CHD7: variants seen among roughly 807,000 people sequenced by gnomAD.
CHD7 encodes ATP-dependent chromatin remodeler CHD7.
In CHD7, 24 loss-of-function variants were observed where a neutral mutation model predicts 307.3. That is an observed-to-expected ratio of 0.08 (90% CI 0.06 to 0.11). The LOEUF (loss-of-function observed/expected upper bound fraction) is 0.11, where lower values mean the gene tolerates loss of function less well. CHD7 is among the 10% of genes least tolerant of loss of function. The pLI is 1.00. For missense variants in CHD7, 3,106 were observed against 3,727.1 expected (o/e 0.83, Z 4.34); for synonymous variants, 1,363 against 1,349.9 (o/e 1.01, Z -0.21).
At chr8:60,739,577 CAGTT>C (rs1808886806) in intron 1 of CHD7, among the ~76,000 whole-genome samples, 1 of 152,170 alleles carries the variant, frequency 6.6e-6, no homozygotes, top group African/African-American at 2.4e-5. Context: ...AAATTCATGG[CAGTT>C]AGCGGCAGAG....
intron 8 of CHD7, among the ~76,000 whole-genome samples, chr8:60,819,348 T>G (rs1803911580): frequency 6.6e-6 from 1 of 152,238 alleles, no homozygotes; most frequent in African/African-American, 2.4e-5. Flanking sequence ...TTTAATATAT[T>G]GGTTAAATGA....
At chr8:60,815,247 A>G (rs1803673162) in intron 7 of CHD7, among the ~76,000 whole-genome samples, 2 of 152,210 alleles carry the variant, frequency 1.3e-5, no homozygotes, top group Non-Finnish European at 2.9e-5. Flanking sequence ...TTCCTATATC[A>G]TGAATCATTT....
At chr8:60,753,258 T>A (rs1394784568) in intron 2 of CHD7, among the ~76,000 whole-genome samples, 1 of 152,188 alleles carries the variant, frequency 6.6e-6, no homozygotes, top group Admixed American at 6.5e-5. Flanking sequence ...GTGGAACATG[T>A]CAAGGGAGTA....
chr8:60,813,603 ATGGGTGT>A (rs1423627995), intron 7 of CHD7, among the ~76,000 whole-genome samples: 2 of 152,118 alleles, frequency 1.3e-5, no homozygotes, highest in Non-Finnish European at 2.9e-5. Flanking sequence ...AAAATCCATT[ATGGGTGT>A]TAAAGTTTGT....
intron 2 of CHD7, among the ~76,000 whole-genome samples, chr8:60,751,799 T>C (rs747486052): frequency 1.3e-4 from 20 of 152,092 alleles, no homozygotes; most frequent in Non-Finnish European, 2.4e-4. Context: ...TGATTACAGG[T>C]GATGGAGAAC....
chr8:60,838,987 A>G (rs1301699509), intron 19 of CHD7, among the ~76,000 whole-genome samples: 1 of 152,256 alleles, frequency 6.6e-6, no homozygotes, highest in Non-Finnish European at 1.5e-5. Context: ...TGCCTTTACC[A>G]TATTACAGAC....
chr8:60,837,216 C>T (rs1804780394), intron 17 of CHD7, among the ~76,000 whole-genome samples: 1 of 152,296 alleles, frequency 6.6e-6, no homozygotes, highest in Middle Eastern at 3.4e-3. Context: ...CTAAACTGCA[C>T]CTCTATTTAT....
intron 32 of CHD7, among the ~76,000 whole-genome samples, chr8:60,855,547 T>C (rs1805662083): frequency 6.6e-6 from 1 of 152,224 alleles, no homozygotes; most frequent in Admixed American, 6.5e-5. Flanking sequence ...GGGACTGCAA[T>C]CCAGCCTGTA....
chr8:60,684,548 GTATTACCCCTTAGGAAGTGGCTT>G (rs1240609156), intron 1 of CHD7, among the ~76,000 whole-genome samples: 1 of 146,780 alleles, frequency 6.8e-6, no homozygotes, highest in African/African-American at 2.4e-5. Context: ...GTTGGGTGGG[GTATTACCCCTTAGGAAGTGGCTT>G]TAGCATTACC....
chr8:60,706,589 G>T (rs920214490), intron 1 of CHD7, among the ~76,000 whole-genome samples: 55 of 152,170 alleles, frequency 3.6e-4, no homozygotes, highest in Non-Finnish European at 5.6e-4. Flanking sequence ...TCAGAAGTAG[G>T]AATTAGAGCT....
At chr8:60,817,086 T>G (rs1803785894) in intron 8 of CHD7, among the ~76,000 whole-genome samples, 1 of 152,228 alleles carries the variant, frequency 6.6e-6, no homozygotes, top group African/African-American at 2.4e-5. Context: ...GTGCCAGTTC[T>G]GCCCTCTGCC....
intron 1 of CHD7, among the ~76,000 whole-genome samples, chr8:60,708,845 C>A (rs906958651): frequency 1.3e-5 from 2 of 152,190 alleles, no homozygotes; most frequent in African/African-American, 4.8e-5. Flanking sequence ...ATTGTCCTTT[C>A]ATTCTAGTTA....
chr8:60,818,438 G>A (rs1803850955), intron 8 of CHD7, among the ~76,000 whole-genome samples: 1 of 152,220 alleles, frequency 6.6e-6, no homozygotes, highest in Admixed American at 6.5e-5. Flanking sequence ...CCTAAAGAGA[G>A]TTTTTGCCAT....
At chr8:60,726,079 C>T (rs1423393188) in intron 1 of CHD7, among the ~76,000 whole-genome samples, 1 of 152,178 alleles carries the variant, frequency 6.6e-6, no homozygotes, top group African/African-American at 2.4e-5. Context: ...TGGTAAATAT[C>T]CCATAAAATG....
At chr8:60,683,674 T>C (rs1409282527) in intron 1 of CHD7, among the ~76,000 whole-genome samples, 2 of 152,226 alleles carry the variant, frequency 1.3e-5, no homozygotes, top group African/African-American at 2.4e-5. Flanking sequence ...GAACTGCCTC[T>C]GACTGGCCAC....
At chr8:60,719,631 A>C (rs548419609) in intron 1 of CHD7, among the ~76,000 whole-genome samples, 1 of 152,308 alleles carries the variant, frequency 6.6e-6, no homozygotes, top group South Asian at 2.1e-4. Context: ...ATAAAAGTGT[A>C]CAAAGCACAT....
At chr8:60,798,422 A>G (rs1224118620) in intron 4 of CHD7, among the ~76,000 whole-genome samples, 1 of 152,196 alleles carries the variant, frequency 6.6e-6, no homozygotes, top group Non-Finnish European at 1.5e-5. Flanking sequence ...AACAATATCT[A>G]ACTATCTATT....
intron 1 of CHD7, among the ~76,000 whole-genome samples, chr8:60,729,726 C>G (rs1808346823): frequency 6.6e-6 from 1 of 152,184 alleles, no homozygotes; most frequent in Non-Finnish European, 1.5e-5. Flanking sequence ...TCATCATTCT[C>G]ATTATGCAAA....
intron 13 of CHD7, among the ~76,000 whole-genome samples, chr8:60,826,264 A>G (rs1003558719): frequency 2.0e-5 from 3 of 152,096 alleles, no homozygotes; most frequent in African/African-American, 7.2e-5. Flanking sequence ...TGACTCACCA[A>G]CTGGGAAGCT....
Sources: allele counts gnomAD v4.1 joint callset (sites outside exome capture counted in the v4.1 genomes callset), GRCh38; gene constraint gnomAD v4.1.1; transcripts MANE v1.5; gene names NCBI Gene and HGNC (gene_info 2026-07-23, HGNC 2026-07-21).